The following MATK variants were observed in gnomAD, a reference collection of about 807,000 sequenced individuals.
MATK encodes megakaryocyte-associated tyrosine-protein kinase.
A neutral mutation model predicts 59.8 loss-of-function variants in MATK; 41 were observed. The ratio of observed to expected loss-of-function variants is 0.69; its 90% CI spans 0.53 to 0.89. The LOEUF (loss-of-function observed/expected upper bound fraction) is 0.89, where lower values mean the gene tolerates loss of function less well. MATK is among the 40% of genes least tolerant of loss of function. The pLI is 0.00. For synonymous variants in MATK, 308 were observed against 306.1 expected, an observed-to-expected ratio of 1.01 and a Z score of -0.06; for missense variants, 593 against 719.6, an observed-to-expected ratio of 0.82 and a Z score of 2.01.
At chr19:3,787,070 T>C (rs2037494684), upstream of MATK, among the ~76,000 whole-genome samples, 1 of 152,154 alleles carries the variant, frequency 6.6e-6, no homozygotes. Context: ...AGCGATGGCT[T>C]TGTGGTTGGG....
At chr19:3,796,373 T>C (rs2037594679) in intron 1 of MATK, among the ~76,000 whole-genome samples, 1 of 152,204 alleles carries the variant, frequency 6.6e-6, no homozygotes, top group Non-Finnish European at 1.5e-5. Context: ...ATGTTGTCCA[T>C]TGACTTCCTA....
intron 1 of MATK, among the ~76,000 whole-genome samples, chr19:3,800,218 A>G (rs772754471): frequency 6.6e-6 from 1 of 152,238 alleles, no homozygotes; most frequent in African/African-American, 2.4e-5. Context: ...ATTAAATTAG[A>G]TAATAAGCAC....
At chr19:3,781,735 T>C in intron 7 of MATK, 63 bp from the exon 8 acceptor site, 1 of 1,330,856 alleles carries the variant, frequency 7.5e-7, no homozygotes. Flanking sequence ...TTGGGGGTTC[T>C]ACTTGGTGAG....
intron 10 of MATK, 35 bp from the exon 11 acceptor site, chr19:3,779,486 G>A (rs1029632290): frequency 1.2e-6 from 2 of 1,612,084 alleles, no homozygotes; most frequent in Non-Finnish European, 1.7e-6. Flanking sequence ...GGGATGTTGG[G>A]GCTGCTCCGC....
chr19:3,783,227 A>T lies in MATK; in HGVS notation c.583-8T>A. ...CTTGTCCTTGCTGTAATGCTGCAGG[A>T]TGGTGGGACAGCCATGAGCCCAGCC... On this transcript the variant is annotated splice_polypyrimidine_tract_variant and splice_region_variant and intron_variant, in intron 6 of 13. Coordinates refer to ENST00000310132, the MANE Select transcript of MATK (RefSeq NM_139355.3). 7.1e-7 allele frequency: 1 copy of T among 1,409,908 alleles called. No homozygotes were observed. Among genetic ancestry groups the T allele is most frequent in the Non-Finnish European group, 9.4e-7 (1 of 1,059,234 alleles). 87.3% of individuals were successfully genotyped at this position (1,409,908 alleles called of 1,614,324 possible). A position where few individuals can be genotyped will look rare whatever the true frequency, so the allele number is the denominator to read the frequency against.
intron 1 of MATK, among the ~76,000 whole-genome samples, chr19:3,793,964 C>T (rs191261178): frequency 2.6e-5 from 4 of 152,302 alleles, no homozygotes; most frequent in Admixed American, 6.5e-5. Context: ...GGTCCAGTGG[C>T]TGTCACCTCT....
In MATK at chr19:3,795,801, G is replaced by A. The variant is rs972436109; in HGVS notation, c.-58+5731C>T. On this transcript the variant is annotated intron_variant, in intron 1 of 13. Coordinates refer to the MATK transcript ENST00000395045. ...TTTTGAGATGGAATCTCACTGTTTC[G>A]TCCAGGCTGGAGTGCAGAGGCGTGA... Among the ~76,000 whole-genome samples the A allele has an allele frequency of 1.7e-4, 20 of 115,516 alleles. 1 individual carries two copies. Among genetic ancestry groups the A allele is most frequent in the Middle Eastern group, 0.011 (1 of 88 alleles). The allele number at this position is 115,516 out of a possible 152,430, so 75.8% of individuals were successfully genotyped here. A position where few individuals can be genotyped will look rare whatever the true frequency, so the allele number is the denominator to read the frequency against.
At chr19:3,787,956 T>C (rs1398539531), upstream of MATK, among the ~76,000 whole-genome samples, 1 of 151,060 alleles carries the variant, frequency 6.6e-6, no homozygotes, top group Non-Finnish European at 1.5e-5. Flanking sequence ...GAGCTGGGGG[T>C]CTCTCTGTGT....
At chr19:3,788,040 C>T (rs906584849), upstream of MATK, among the ~76,000 whole-genome samples, 1 of 149,630 alleles carries the variant, frequency 6.7e-6, no homozygotes, top group South Asian at 2.1e-4. Flanking sequence ...TGGGACTACA[C>T]GTGCACACCA....
chr19:3,799,578 G>T (rs1316228457), intron 1 of MATK, among the ~76,000 whole-genome samples: 2 of 152,202 alleles, frequency 1.3e-5, no homozygotes, highest in Non-Finnish European at 2.9e-5. Flanking sequence ...GGTGGCTCAC[G>T]CCTGTAATCC....
At position 3,778,191 on chromosome 19, in the gene MATK, C is replaced by G; in HGVS notation, c.1516G>C (p.Glu506Gln). The G allele has an allele frequency of 6.4e-7, 1 of 1,560,424 alleles. No individual in the cohort carries two copies. The highest frequency in any genetic ancestry group is 8.6e-7 in the Non-Finnish European group (1 of 1,159,806). Reference sequence around the variant, plus strand: ...GGCCCCACCGGGTGGGGTCAGGGCTCCTGGCTTCGGGGCGAGGTGGAGCCG... The same window carrying G: ...GGCCCCACCGGGTGGGGTCAGGGCTGCTGGCTTCGGGGCGAGGTGGAGCCG... ...ADGSTSPRSQEP is the reference protein window; with the variant it reads ...ADGSTSPRSQQP The change falls in exon 14 of 14, where the codon GAG (glutamate) becomes CAG (glutamine). Residue 506 changes from glutamate (E) to glutamine (Q), a missense_variant. By Grantham distance (29) the Glu-to-Gln change is conservative. Transcript: ENST00000310132.
chr19:3,784,977 T>A, intron 2 of MATK, 87 bp downstream of exon 2: 1 of 1,465,174 alleles, frequency 6.8e-7, no homozygotes, highest in Non-Finnish European at 9.5e-7. Context: ...GGGCGATGGC[T>A]GGGCAGGCAG....
At chr19:3,781,358 C>T (rs2037399163) in intron 8 of MATK, among the ~76,000 whole-genome samples, 1 of 152,146 alleles carries the variant, frequency 6.6e-6, no homozygotes. Flanking sequence ...ACTGACCATA[C>T]AAGACCCTGG....
chr19:3,778,425 G>A lies in MATK; in HGVS notation c.1285-3C>T. ...GCCTCCGACACCTCTTTCAGTGACTGCGGACAGCAGGCGTGGGCAGGGGTC... is the reference window on the plus strand; with the variant it reads ...GCCTCCGACACCTCTTTCAGTGACTACGGACAGCAGGCGTGGGCAGGGGTC... On this transcript the variant is annotated splice_polypyrimidine_tract_variant and splice_region_variant and intron_variant, in intron 13 of 13. Coordinates refer to ENST00000310132, the MANE Select transcript of MATK (RefSeq NM_139355.3). 1 of 1,613,346 alleles carries A rather than the reference G, an allele frequency of 6.2e-7. No homozygotes were observed. Among genetic ancestry groups the A allele is most frequent in the Non-Finnish European group, 8.5e-7 (1 of 1,179,934 alleles).
upstream of MATK, among the ~76,000 whole-genome samples, chr19:3,786,764 C>G (rs1196441615): frequency 6.6e-6 from 1 of 152,118 alleles, no homozygotes; most frequent in Non-Finnish European, 1.5e-5. The surrounding 1 kb of genome is among the most constrained non-coding windows in gnomAD (Gnocchi z 4.1). Context: ...AAAAAGCTTT[C>G]AAAATGTCAG....
rs563091181 is a variant in MATK, at chr19:3,782,744, G to A, written c.676+382C>T. The A allele has an allele frequency of 1.9e-5, 5 of 256,432 alleles. No homozygotes were observed. The Admixed American group carries it at 2.1e-4, about 11-fold the overall frequency. 15.9% of individuals were successfully genotyped at this position (256,432 alleles called of 1,614,324 possible). ...AAGGCCTGGGCTGGAAGGGGGACTC[G>A]CCCTCTGGGAAGGAGGCGGTCTGAT... On this transcript the variant is annotated intron_variant, in intron 7 of 13. Coordinates refer to ENST00000310132, the MANE Select transcript of MATK (RefSeq NM_139355.3).
chr19:3,786,325 A>G lies in MATK; in HGVS notation c.-308T>C, dbSNP rs2037483797. 1 of 984,460 alleles carries G rather than the reference A, an allele frequency of 1.0e-6. No individual in the cohort carries two copies. The highest frequency in any genetic ancestry group is 1.2e-6 in the Non-Finnish European group (1 of 829,646). 61.0% of individuals were successfully genotyped at this position (984,460 alleles called of 1,614,324 possible). The stretch of plus-strand genomic sequence containing the variant: ...GCGAAGAAGGGTCGGGGAGTGGGGG[A>G]AAGCGGGAGGCGCCGCGGCCTGGGA... On this transcript the variant is annotated 5_prime_UTR_variant, in exon 1 of 14. Transcript: ENST00000310132. This position sits in a 1 kb window ranked among gnomAD's most constrained non-coding sequence, Gnocchi z 4.1.
intron 1 of MATK, among the ~76,000 whole-genome samples, chr19:3,797,830 T>C (rs914070553): frequency 6.6e-6 from 1 of 151,910 alleles, no homozygotes. Flanking sequence ...TCACCAGAGG[T>C]CAGGAGTTCG....
In MATK at chr19:3,779,038, CTTG is replaced by C; in HGVS notation, c.1148_1150del (p.Ser383_Ser384delinsCys). On this transcript the variant is annotated inframe_deletion, in exon 12 of 14. Transcript: ENST00000310132. Reference sequence around the variant, plus strand: ...CGCCGTCCACTTGACGGGCAGCCGGCTTGAGTCTAGCCCCTTCCGCTCGGCTTT... The same window carrying C: ...CGCCGTCCACTTGACGGGCAGCCGGCAGTCTAGCCCCTTCCGCTCGGCTTT... The C allele has an allele frequency of 3.8e-6, 6 of 1,589,600 alleles. No homozygotes were observed. The highest frequency in any genetic ancestry group is 5.1e-6 in the Non-Finnish European group (6 of 1,169,280).
Sources: gnomAD v4.1 joint callset for allele counts (sites outside exome capture counted in the v4.1 genomes callset) on GRCh38, gnomAD v4.1.1 for gene constraint, Gnocchi (gnomAD v3.1) non-coding constraint, MANE v1.5 for transcripts, NCBI Gene and HGNC (gene_info 2026-07-23, HGNC 2026-07-21) for gene names.